The following CABS1 variants were observed in gnomAD, a reference collection of about 807,000 sequenced individuals.
The protein encoded by CABS1 is calcium binding protein, spermatid associated 1.
For synonymous variants in CABS1, 195 were observed against 169.0 expected (o/e 1.15, Z -1.19); for missense variants, 500 against 464.3 (o/e 1.08, Z -0.71).
In CABS1 at chr4:70,335,091, A is replaced by C; in HGVS notation, c.52A>C (p.Ser18Arg). 6.2e-7 allele frequency: 1 copy of C among 1,613,576 alleles called. No individual in the cohort carries two copies. The highest frequency in any genetic ancestry group is 8.5e-7 in the Non-Finnish European group (1 of 1,179,758). ...TTATTCTCATCCTCCAACAGAAAGC[A>C]GTAAAACACCAACTGCAGCAACCAT... ...KIYSHPPTES[S>R]KTPTAATIFF... is the part of the protein sequence containing the mutation. Residue 18 changes from serine to arginine, a missense_variant, in exon 1 of 2, where the codon AGT becomes CGT. Transcript: ENST00000273936.
In CABS1 at chr4:70,335,770, T is replaced by C. The variant is rs757880505; in HGVS notation, c.731T>C (p.Leu244Pro). 2.3e-5 allele frequency: 37 copies of C among 1,613,466 alleles called. No individual in the cohort carries two copies. The highest frequency in any genetic ancestry group is 3.1e-5 in the Non-Finnish European group (36 of 1,179,734). Residue 244 changes from leucine to proline, a missense_variant, in exon 1 of 2, where the codon CTA becomes CCA. Coordinates refer to ENST00000273936, the MANE Select transcript of CABS1 (RefSeq NM_033122.4). Reference sequence around the variant, plus strand: ...GAAGAGAAAATAACCGAAATTGACCTAAGTGTTTTAGAAGATGACACCAGT... The same window carrying C: ...GAAGAGAAAATAACCGAAATTGACCCAAGTGTTTTAGAAGATGACACCAGT... Reference protein sequence around the residue: ...LEEEKITEIDLSVLEDDTSAV... With the variant: ...LEEEKITEIDPSVLEDDTSAV...
chr4:70,335,389 C>T lies in CABS1; in HGVS notation c.350C>T (p.Pro117Leu). 1 of 1,613,690 alleles carries T rather than the reference C, an allele frequency of 6.2e-7. No individual in the cohort carries two copies. The highest frequency in any genetic ancestry group is 1.1e-5 in the South Asian group (1 of 91,062). ...GACTCTATTACCGAACATTTCATGC[C>T]AGTGAAAATTGGGAATATTTCATCA... ...TRDSITEHFM[P>L]VKIGNISSPV... Residue 117 changes from proline (P) to leucine (L), a missense_variant, in exon 1 of 2, where the codon CCA becomes CTA. Coordinates refer to ENST00000273936, the MANE Select transcript of CABS1 (RefSeq NM_033122.4).
Position 70,336,112 on chromosome 4 carries a change from C to G in CABS1, c.1073C>G (p.Pro358Arg). The part of the protein sequence containing the change: ...NTETVPKITE[P>R]FSGTTSVLDT... ...GAGACTGTACCTAAGATCACTGAGCCATTTTCTGGAACTACCTCTGTATTA... is the reference window on the plus strand; with the variant it reads ...GAGACTGTACCTAAGATCACTGAGCGATTTTCTGGAACTACCTCTGTATTA... Residue 358 changes from proline (P) to arginine (R), a missense_variant, in exon 1 of 2, where the codon CCA becomes CGA. Pro to Arg is a moderately radical substitution (Grantham distance 103). Coordinates refer to ENST00000273936, the MANE Select transcript of CABS1 (RefSeq NM_033122.4). 1.2e-6 allele frequency: 2 copies of G among 1,613,196 alleles called. No individual in the cohort carries two copies. The highest frequency in any genetic ancestry group is 1.7e-6 in the Non-Finnish European group (2 of 1,179,504).
At position 70,335,118 on chromosome 4, in the gene CABS1, T is replaced by A; in HGVS notation, c.79T>A (p.Phe27Ile). Residue 27 changes from phenylalanine (F) to isoleucine (I), a missense_variant, in exon 1 of 2, where the codon TTC (phenylalanine) becomes ATC (isoleucine). By Grantham distance (21) the Phe-to-Ile change is conservative (BLOSUM62 0). Transcript: ENST00000273936. ...TAAAACACCAACTGCAGCAACCATT[T>A]TCTTTGGGGCTGACAATGCTATTCC... is the stretch of plus-strand genomic sequence containing the variant. ...SSKTPTAATI[F>I]FGADNAIPKS... 1 of 1,613,788 alleles carries A rather than the reference T, an allele frequency of 6.2e-7. No individual in the cohort carries two copies. Among genetic ancestry groups the A allele is most frequent in the African/African-American group, 1.3e-5 (1 of 75,018 alleles).
Position 70,335,171 on chromosome 4 carries a change from A to G in CABS1, c.132A>G (p.Glu44=). 1.2e-6 allele frequency: 2 copies of G among 1,613,850 alleles called. No homozygotes were observed. Among genetic ancestry groups the G allele is most frequent in the Non-Finnish European group, 1.7e-6 (2 of 1,179,840 alleles). Residue 44 remains glutamate, a synonymous_variant, in exon 1 of 2, where the codon GAA becomes GAG. Coordinates refer to ENST00000273936, the MANE Select transcript of CABS1 (RefSeq NM_033122.4). ...AATCAGAAACAACTATTACTTCAGA[A>G]GGAGACCACGTCACTTCAGTAAATG... ...IPKSETTITS[E]GDHVTSVNEY...
At position 70,335,930 on chromosome 4, in the gene CABS1, T is replaced by G; in HGVS notation, c.891T>G (p.Ile297Met). The change falls in exon 1 of 2, where the codon ATT becomes ATG. Residue 297 changes from isoleucine to methionine, a missense_variant. By Grantham distance (10) the Ile-to-Met change is conservative. Coordinates refer to ENST00000273936, the MANE Select transcript of CABS1 (RefSeq NM_033122.4). ...TDEETTEGAS[I>M]WMERDTANEA... ...AAGAAACTACCGAGGGAGCCAGTATTTGGATGGAGAGAGATACTGCAAATG... is the reference window on the plus strand; with the variant it reads ...AAGAAACTACCGAGGGAGCCAGTATGTGGATGGAGAGAGATACTGCAAATG... 1 of 1,613,530 alleles carries G rather than the reference T, an allele frequency of 6.2e-7. No homozygotes were observed. Among genetic ancestry groups the G allele is most frequent in the Non-Finnish European group, 8.5e-7 (1 of 1,179,684 alleles).
At position 70,337,112 on chromosome 4, in the gene CABS1, A is replaced by G. The variant is rs1577861465; in HGVS notation, c.*266A>G. On this transcript the variant is annotated 3_prime_UTR_variant, in exon 2 of 2. Coordinates refer to ENST00000273936, the MANE Select transcript of CABS1 (RefSeq NM_033122.4). ...CTTCAATAAATCTTTTTGGCAAGCA[A>G]CTGATTTACTGTGTGTAGGTGTGTT... 1 of 152,362 alleles carries G rather than the reference A, an allele frequency of 6.6e-6. No homozygotes were observed. Among genetic ancestry groups the G allele is most frequent in the South Asian group, 2.1e-4 (1 of 4,820 alleles). The allele number at this position is 152,362 out of a possible 1,614,324, so 9.4% of individuals were successfully genotyped here.
rs186468035 is a variant in CABS1 at position 70,336,132 on chromosome 4, G to A, written c.1093G>A (p.Val365Ile). Residue 365 changes from valine (V) to isoleucine (I), a missense_variant, in exon 1 of 2, where the codon GTA (valine) becomes ATA (isoleucine). Coordinates refer to ENST00000273936, the MANE Select transcript of CABS1 (RefSeq NM_033122.4). Reference protein sequence around the residue: ...ITEPFSGTTSVLDTPDYKEDT... With the variant: ...ITEPFSGTTSILDTPDYKEDT... Reference sequence around the variant, plus strand: ...TGAGCCATTTTCTGGAACTACCTCTGTATTAGATACCCCAGACTATAAGGA... The same window carrying A: ...TGAGCCATTTTCTGGAACTACCTCTATATTAGATACCCCAGACTATAAGGA... 1.9e-6 allele frequency: 3 copies of A among 1,613,054 alleles called. No individual in the cohort carries two copies. The highest frequency in any genetic ancestry group is 2.7e-5 in the African/African-American group (2 of 74,828).
rs1015419282 is a variant in CABS1 at position 70,335,674 on chromosome 4, T to C, written c.635T>C (p.Ile212Thr). The change falls in exon 1 of 2, where the codon ATT becomes ACT. Residue 212 changes from isoleucine (I) to threonine (T), a missense_variant. Ile to Thr is a moderately conservative substitution (Grantham distance 89). Coordinates refer to ENST00000273936, the MANE Select transcript of CABS1 (RefSeq NM_033122.4). ...GCTGTCCAGGTCACTGATTCCACTATTCCTGAGGCTGAAATCCCTCCTGCT... is the reference window on the plus strand; with the variant it reads ...GCTGTCCAGGTCACTGATTCCACTACTCCTGAGGCTGAAATCCCTCCTGCT... ...DEAVQVTDST[I>T]PEAEIPPAPE... 2.5e-6 allele frequency: 4 copies of C among 1,613,590 alleles called. No homozygotes were observed. Among genetic ancestry groups the C allele is most frequent in the Non-Finnish European group, 2.5e-6 (3 of 1,179,770 alleles).
rs1731694171 is a variant in CABS1 at position 70,335,286 on chromosome 4, AC to A, written c.249del (p.Asp84ThrfsTer16). ...ACTCAAATCAGAAGATGATATGGGG[AC>A]CGACTTTATTAAGTCAACAACTCAC... is the stretch of plus-strand genomic sequence containing the variant. ...EKLKSEDDMG[T>X]DFIKSTTHLQ... On this transcript the variant is annotated frameshift_variant, in exon 1 of 2. Coordinates refer to ENST00000273936, the MANE Select transcript of CABS1 (RefSeq NM_033122.4). LOFTEE classifies it low-confidence loss of function (END_TRUNC). The A allele has an allele frequency of 3.1e-6, 5 of 1,613,808 alleles. No individual in the cohort carries two copies. The highest frequency in any genetic ancestry group is 1.7e-4 in the Middle Eastern group (1 of 6,052).
In CABS1 at chr4:70,335,663, T is replaced by C. The variant is rs1731708007; in HGVS notation, c.624T>C (p.Thr208=). The change falls in exon 1 of 2, where the codon ACT becomes ACC. Residue 208 remains threonine (T), a synonymous_variant. Coordinates refer to ENST00000273936, the MANE Select transcript of CABS1 (RefSeq NM_033122.4). ...CTGCTGATGAGGCTGTCCAGGTCAC[T>C]GATTCCACTATTCCTGAGGCTGAAA... ...NVPADEAVQV[T]DSTIPEAEIP... is the part of the protein sequence containing the mutation. 1.9e-6 allele frequency: 3 copies of C among 1,613,486 alleles called. No individual in the cohort carries two copies. Among genetic ancestry groups the C allele is most frequent in the African/African-American group, 1.3e-5 (1 of 74,894 alleles).
chr4:70,336,164 C>T lies in CABS1; in HGVS notation c.1125C>T (p.Thr375=). Residue 375 remains threonine, a synonymous_variant, in exon 1 of 2, where the codon ACC becomes ACT. Transcript: ENST00000273936. ...VLDTPDYKED[T]STTETDIFEL... ...ATACCCCAGACTATAAGGAAGACAC[C>T]TCCACAACTGAAACGGATATCTTTG... 6.2e-7 allele frequency: 1 copy of T among 1,612,974 alleles called. No individual in the cohort carries two copies. Among genetic ancestry groups the T allele is most frequent in the Non-Finnish European group, 8.5e-7 (1 of 1,179,362 alleles).
rs1731718472 is a variant in CABS1 at position 70,335,964 on chromosome 4, A to G, written c.925A>G (p.Thr309Ala). Residue 309 changes from threonine to alanine, a missense_variant, in exon 1 of 2, where the codon ACC becomes GCC. Coordinates refer to ENST00000273936, the MANE Select transcript of CABS1 (RefSeq NM_033122.4). ...MERDTANEAE[T>A]HSVLLTAVES... ...GAGAGATACTGCAAATGAAGCAGAG[A>G]CCCATTCTGTTTTGCTTACTGCTGT... 5 of 1,613,434 alleles carry G rather than the reference A, an allele frequency of 3.1e-6. No individual in the cohort carries two copies. Among genetic ancestry groups the G allele is most frequent in the African/African-American group, 2.7e-5 (2 of 74,850 alleles).
chr4:70,335,649 G>A lies in CABS1; in HGVS notation c.610G>A (p.Ala204Thr), dbSNP rs201448780. ...CAAATCCAATGTCCCTGCTGATGAG[G>A]CTGTCCAGGTCACTGATTCCACTAT... is the stretch of plus-strand genomic sequence containing the variant. ...SIKSNVPADEAVQVTDSTIPE... is the reference protein window; with the variant it reads ...SIKSNVPADETVQVTDSTIPE... The change falls in exon 1 of 2, where the codon GCT (alanine) becomes ACT (threonine). Residue 204 changes from alanine (A) to threonine (T), a missense_variant. Coordinates refer to ENST00000273936, the MANE Select transcript of CABS1 (RefSeq NM_033122.4). 4 of 1,613,476 alleles carry A rather than the reference G, an allele frequency of 2.5e-6. No individual in the cohort carries two copies. The highest frequency in any genetic ancestry group is 3.4e-6 in the Non-Finnish European group (4 of 1,179,744).
In CABS1 at chr4:70,335,802, G is replaced by A. The variant is rs1355217877; in HGVS notation, c.763G>A (p.Ala255Thr). The A allele has an allele frequency of 4.3e-6, 7 of 1,613,556 alleles. No individual in the cohort carries two copies. Among genetic ancestry groups the A allele is most frequent in the African/African-American group, 1.3e-5 (1 of 74,974 alleles). ...TTTAGAAGATGACACCAGTGCTGTG[G>A]CTACATTAACTGACTCTGATGAGAA... ...SVLEDDTSAV[A>T]TLTDSDEKFI... The change falls in exon 1 of 2, where the codon GCT becomes ACT. Residue 255 changes from alanine to threonine, a missense_variant. Ala to Thr is a moderately conservative substitution (Grantham distance 58). Transcript: ENST00000273936.
Position 70,335,297 on chromosome 4 carries a change from T to G in CABS1, c.258T>G (p.Ile86Met). Reference sequence around the variant, plus strand: ...AAGATGATATGGGGACCGACTTTATTAAGTCAACAACTCACCTACAGAAAG... The same window carrying G: ...AAGATGATATGGGGACCGACTTTATGAAGTCAACAACTCACCTACAGAAAG... ...KSEDDMGTDF[I>M]KSTTHLQKEI... Residue 86 changes from isoleucine (I) to methionine (M), a missense_variant, in exon 1 of 2, where the codon ATT becomes ATG. Ile to Met is a conservative substitution (Grantham distance 10, BLOSUM62 1). Transcript: ENST00000273936. 1 of 1,613,788 alleles carries G rather than the reference T, an allele frequency of 6.2e-7. No individual in the cohort carries two copies. Among genetic ancestry groups the G allele is most frequent in the Non-Finnish European group, 8.5e-7 (1 of 1,179,862 alleles).
intron 1 of CABS1, 108 bp downstream of exon 1, chr4:70,336,454 CAA>C: frequency 2.3e-6 from 1 of 443,126 alleles, no homozygotes. Context: ...CCTAGTATCA[CAA>C]AGTTTCAATA....
rs541997419 is a variant in CABS1 at position 70,335,564 on chromosome 4, C to T, written c.525C>T (p.Asp175=). The part of the protein sequence containing the change: ...TLKDSSAGVA[D]APAFPRKKDE... ...AGGACAGCAGTGCTGGTGTTGCTGACGCTCCTGCCTTTCCACGTAAAAAGG... is the reference window on the plus strand; with the variant it reads ...AGGACAGCAGTGCTGGTGTTGCTGATGCTCCTGCCTTTCCACGTAAAAAGG... Residue 175 remains aspartate (D), a synonymous_variant, in exon 1 of 2, where the codon GAC becomes GAT. Transcript: ENST00000273936. 1.0e-4 allele frequency: 164 copies of T among 1,613,624 alleles called. No individual in the cohort carries two copies. The South Asian group carries it at 1.0e-3, about 10-fold the overall frequency.
In CABS1 at chr4:70,335,681, G is replaced by T. The variant is rs778387421; in HGVS notation, c.642G>T (p.Glu214Asp). 7 of 1,613,540 alleles carry T rather than the reference G, an allele frequency of 4.3e-6. No homozygotes were observed. Among genetic ancestry groups the T allele is most frequent in the Non-Finnish European group, 5.9e-6 (7 of 1,179,746 alleles). ...AVQVTDSTIP[E>D]AEIPPAPEES... ...AGGTCACTGATTCCACTATTCCTGA[G>T]GCTGAAATCCCTCCTGCTCCTGAAG... is the stretch of plus-strand genomic sequence containing the variant. The change falls in exon 1 of 2, where the codon GAG becomes GAT. Residue 214 changes from glutamate to aspartate, a missense_variant. Physicochemically the swap from Glu to Asp is conservative, Grantham distance 45 (BLOSUM62 2). Coordinates refer to ENST00000273936, the MANE Select transcript of CABS1 (RefSeq NM_033122.4).
Sources: allele counts gnomAD v4.1 joint callset, GRCh38; gene constraint gnomAD v4.1.1; transcripts MANE v1.5; gene names NCBI Gene and HGNC (gene_info 2026-07-23, HGNC 2026-07-21).